BRINP1: variants seen among roughly 807,000 people sequenced by gnomAD.
The protein encoded by BRINP1 is BMP/retinoic acid-inducible neural-specific protein 1.
A neutral mutation model predicts 72.9 loss-of-function variants in BRINP1; 17 were observed. That is an observed-to-expected ratio of 0.23 (90% CI 0.16 to 0.35). The LOEUF (loss-of-function observed/expected upper bound fraction) is 0.35. BRINP1 is among the 10% of genes least tolerant of loss of function. The probability of loss-of-function intolerance (pLI) is 1.00; values close to 1 mark genes in which losing one functional copy is unlikely to be tolerated. For synonymous variants in BRINP1, 418 were observed against 378.5 expected, an observed-to-expected ratio of 1.10 and a Z score of -1.21; for missense variants, 850 against 1,001.6, an observed-to-expected ratio of 0.85 and a Z score of 2.04.
intron 6 of BRINP1, among the ~76,000 whole-genome samples, chr9:119,211,896 C>T (rs1053674393): frequency 2.0e-5 from 3 of 152,144 alleles, no homozygotes; most frequent in Non-Finnish European, 2.9e-5. Context: ...TCTGTGTTTC[C>T]TCATCCATCC....
chr9:119,333,833 A>G (rs1309327764), intron 1 of BRINP1, among the ~76,000 whole-genome samples: 2 of 152,174 alleles, frequency 1.3e-5, no homozygotes, highest in Non-Finnish European at 2.9e-5. Flanking sequence ...TATATATTGC[A>G]TCTTTTGGAT....
chr9:119,284,525 C>A (rs1173714359), intron 2 of BRINP1, among the ~76,000 whole-genome samples: 1 of 151,934 alleles, frequency 6.6e-6, no homozygotes, highest in Non-Finnish European at 1.5e-5. Flanking sequence ...TGTAAAAGCC[C>A]CAATTCAAAT....
intron 2 of BRINP1, among the ~76,000 whole-genome samples, chr9:119,267,609 C>T (rs1407672997): frequency 6.6e-6 from 1 of 151,014 alleles, no homozygotes; most frequent in African/African-American, 2.4e-5. Context: ...GCACTCTACC[C>T]TGGGCAACAA....
intron 3 of BRINP1, among the ~76,000 whole-genome samples, chr9:119,248,517 C>T (rs1023930781): frequency 7.9e-5 from 12 of 152,224 alleles, no homozygotes; most frequent in African/African-American, 2.9e-4. Flanking sequence ...CATTAACCTA[C>T]TCTAAGCCCA....
intron 2 of BRINP1, among the ~76,000 whole-genome samples, chr9:119,256,019 G>A (rs1830445004): frequency 6.7e-6 from 1 of 149,868 alleles, no homozygotes; most frequent in Admixed American, 6.7e-5. Flanking sequence ...CTGTGCTCTT[G>A]GGACGGTGTA....
intron 4 of BRINP1, among the ~76,000 whole-genome samples, chr9:119,241,628 A>G (rs1182070107): frequency 6.6e-6 from 1 of 152,160 alleles, no homozygotes; most frequent in Non-Finnish European, 1.5e-5. Context: ...AGTGGGGAGG[A>G]AAGAATAAAA....
intron 5 of BRINP1, among the ~76,000 whole-genome samples, chr9:119,220,914 T>C (rs1564220906): frequency 6.6e-6 from 1 of 152,146 alleles, no homozygotes; most frequent in Non-Finnish European, 1.5e-5. Flanking sequence ...AATCTAAGCC[T>C]TTCTTATGCA....
intron 5 of BRINP1, among the ~76,000 whole-genome samples, chr9:119,230,077 G>C (rs550929576): frequency 2.6e-4 from 38 of 148,552 alleles, no homozygotes; most frequent in Non-Finnish European, 4.0e-4. Context: ...TTACCTGAGA[G>C]AGATGAAAAG....
At chr9:119,209,308 C>T (rs940898465) in intron 6 of BRINP1, among the ~76,000 whole-genome samples, 4 of 152,192 alleles carry the variant, frequency 2.6e-5, no homozygotes, top group Middle Eastern at 3.2e-3. Flanking sequence ...TGCAGTGGCT[C>T]ACACCTGTAA....
At chr9:119,290,180 T>C (rs1276145783) in intron 2 of BRINP1, among the ~76,000 whole-genome samples, 1 of 152,096 alleles carries the variant, frequency 6.6e-6, no homozygotes, top group Non-Finnish European at 1.5e-5. Flanking sequence ...AAACTGCAAC[T>C]GAAAAAGGTT....
chr9:119,302,753 A>C (rs1830951668), intron 2 of BRINP1, among the ~76,000 whole-genome samples: 1 of 152,086 alleles, frequency 6.6e-6, no homozygotes, highest in Non-Finnish European at 1.5e-5. Flanking sequence ...ACACAAACCT[A>C]CTTAAAATAT....
chr9:119,190,353 T>C (rs1829670478), intron 7 of BRINP1, among the ~76,000 whole-genome samples: 1 of 143,452 alleles, frequency 7.0e-6, no homozygotes, highest in African/African-American at 2.7e-5. Flanking sequence ...AAAAAATCAA[T>C]AAACCCAAGA....
At position 119,367,220 on chromosome 9, in the gene BRINP1, TG is replaced by T. The variant is rs1394421523; in HGVS notation, c.-51+1835del. 3.1e-3 allele frequency among the ~76,000 whole-genome samples: 137 copies of T among 44,698 alleles called. 1 individual carries two copies. The East Asian group carries it at 0.075, about 24-fold the overall frequency. The allele number at this position is 44,698 out of a possible 152,430, so 29.3% of individuals were successfully genotyped here. A position where few individuals can be genotyped will look rare whatever the true frequency, so the allele number is the denominator to read the frequency against. On this transcript the variant is annotated intron_variant, in intron 1 of 7. Coordinates refer to ENST00000265922, the MANE Select transcript of BRINP1 (RefSeq NM_014618.3). ...GTGTGTGTGTGTGTGTGTGTGTGATTGATATATATATATATATATATATCTT... is the reference window on the plus strand; with the variant it reads ...GTGTGTGTGTGTGTGTGTGTGTGATTATATATATATATATATATATATCTT...
chr9:119,252,422 A>G (rs1830399528), intron 2 of BRINP1, among the ~76,000 whole-genome samples: 1 of 152,138 alleles, frequency 6.6e-6, no homozygotes, highest in East Asian at 1.9e-4. Context: ...TCTCTGAGGA[A>G]AAGAGTATTT....
chr9:119,235,224 A>G (rs965597895), intron 5 of BRINP1, among the ~76,000 whole-genome samples: 28 of 152,336 alleles, frequency 1.8e-4, no homozygotes, highest in Middle Eastern at 3.4e-3. Flanking sequence ...TCTTTTTAAA[A>G]AACCATTCCA....
At chr9:119,218,137 C>A (rs553294373) in intron 5 of BRINP1, among the ~76,000 whole-genome samples, 7 of 151,980 alleles carry the variant, frequency 4.6e-5, no homozygotes, top group Admixed American at 4.6e-4. Context: ...CTCTAAGGGC[C>A]CCCAGAGTAT....
At chr9:119,338,246 CTT>C (rs11335944) in intron 1 of BRINP1, among the ~76,000 whole-genome samples, 38 of 142,724 alleles carry the variant, frequency 2.7e-4, no homozygotes, top group African/African-American at 6.2e-4. Context: ...GTTTTTGTTT[CTT>C]TTTTTTTTTG....
At chr9:119,242,386 C>T (rs1028296704) in intron 3 of BRINP1, among the ~76,000 whole-genome samples, 170 bp from the exon 4 acceptor site, 50 of 152,160 alleles carry the variant, frequency 3.3e-4, no homozygotes, top group African/African-American at 1.1e-3. Flanking sequence ...CTAGAGGTGG[C>T]TGTAAACACC....
intron 2 of BRINP1, among the ~76,000 whole-genome samples, chr9:119,286,228 T>C (rs1036880038): frequency 2.2e-4 from 32 of 146,282 alleles, no homozygotes; most frequent in African/African-American, 8.1e-4. Flanking sequence ...TTATCGCCAT[T>C]ATCTTTCATC....
Sources: allele counts gnomAD v4.1 joint callset (sites outside exome capture counted in the v4.1 genomes callset), GRCh38; gene constraint gnomAD v4.1.1; transcripts MANE v1.5; gene names NCBI Gene and HGNC (gene_info 2026-07-23, HGNC 2026-07-21).